Variants in WWOX observed in about 807,000 individuals in gnomAD.
The protein encoded by WWOX is WW domain-containing oxidoreductase.
Under a neutral mutation model 46.2 loss-of-function variants are expected in WWOX, and 69 were observed. The ratio of observed to expected loss-of-function variants is 1.49; its 90% confidence interval spans 1.23 to 1.82. The LOEUF is 1.82. Ranked by LOEUF, WWOX falls within the 40% of genes most tolerant of loss-of-function variation. The probability of loss-of-function intolerance (pLI) is 0.00; values close to 1 mark genes in which losing one functional copy is unlikely to be tolerated. For missense variants in WWOX, 919 were observed against 542.6 expected, an observed-to-expected ratio of 1.69 and a Z score of -6.89; for synonymous variants, 359 against 202.6, an observed-to-expected ratio of 1.77 and a Z score of -6.56.
At chr16:78,359,425 C>T (rs2081363981) in intron 5 of WWOX, among the ~76,000 whole-genome samples, 1 of 151,978 alleles carries the variant, frequency 6.6e-6, no homozygotes, top group Non-Finnish European at 1.5e-5. Flanking sequence ...TCATGAGAGC[C>T]CCCAAATTGC....
intron 8 of WWOX, among the ~76,000 whole-genome samples, chr16:78,691,579 G>A (rs2047989149): frequency 6.6e-6 from 1 of 152,040 alleles, no homozygotes; most frequent in African/African-American, 2.4e-5. Flanking sequence ...ATAGTGGTGT[G>A]CACCTGAAGT....
chr16:79,153,498 C>T (rs2050321543), intron 8 of WWOX, among the ~76,000 whole-genome samples: 1 of 152,020 alleles, frequency 6.6e-6, no homozygotes, highest in Admixed American at 6.6e-5. Context: ...ATGTCTAGAC[C>T]CCTGGAGAAC....
intron 8 of WWOX, among the ~76,000 whole-genome samples, chr16:78,911,984 G>A (rs1378512984): frequency 6.6e-6 from 1 of 152,068 alleles, no homozygotes; most frequent in Non-Finnish European, 1.5e-5. Context: ...AGACTGGTCT[G>A]TGAACCTTAC....
At chr16:78,969,036 C>T (rs931721350) in intron 8 of WWOX, among the ~76,000 whole-genome samples, 1 of 152,136 alleles carries the variant, frequency 6.6e-6, no homozygotes, top group Non-Finnish European at 1.5e-5. Flanking sequence ...GGCTCAGCTA[C>T]CAGGCTCCAG....
intron 8 of WWOX, among the ~76,000 whole-genome samples, chr16:78,556,850 C>G (rs1405063856): frequency 6.6e-6 from 1 of 152,040 alleles, no homozygotes; most frequent in African/African-American, 2.4e-5. Flanking sequence ...TCCCAAGTAA[C>G]TGGGATTACA....
At chr16:78,314,772 A>G (rs2080328077) in intron 5 of WWOX, among the ~76,000 whole-genome samples, 2 of 135,646 alleles carry the variant, frequency 1.5e-5, no homozygotes, top group Non-Finnish European at 3.0e-5. Context: ...GGTTGGTCTC[A>G]ATGTCCTGAC....
intron 5 of WWOX, among the ~76,000 whole-genome samples, chr16:78,185,137 C>A (rs1377296003): frequency 6.6e-6 from 1 of 152,102 alleles, no homozygotes; most frequent in Non-Finnish European, 1.5e-5. Context: ...AAGGAGTGGG[C>A]AGTAGTAGGG....
chr16:78,576,915 C>A (rs552389569), intron 8 of WWOX, among the ~76,000 whole-genome samples: 1 of 152,306 alleles, frequency 6.6e-6, no homozygotes, highest in East Asian at 1.9e-4. Flanking sequence ...CCCACACTAC[C>A]ATCTGCTCAC....
At chr16:78,122,159 T>C (rs2033127863) in intron 4 of WWOX, among the ~76,000 whole-genome samples, 1 of 152,202 alleles carries the variant, frequency 6.6e-6, no homozygotes, top group South Asian at 2.1e-4. Flanking sequence ...TATGTATGTA[T>C]AGGTGAAAGC....
intron 5 of WWOX, among the ~76,000 whole-genome samples, chr16:78,378,717 C>A (rs1047728198): frequency 6.6e-6 from 1 of 152,096 alleles, no homozygotes; most frequent in Non-Finnish European, 1.5e-5. Context: ...TGAGAGACAT[C>A]AGCATAATGC....
chr16:78,870,120 G>C (rs925514364), intron 8 of WWOX, among the ~76,000 whole-genome samples: 1 of 152,152 alleles, frequency 6.6e-6, no homozygotes, highest in Non-Finnish European at 1.5e-5. Context: ...TGCTCTGACA[G>C]GGCATGACTC....
chr16:78,879,218 A>G (rs16948711), intron 8 of WWOX, among the ~76,000 whole-genome samples: 3 of 152,022 alleles, frequency 2.0e-5, no homozygotes, highest in Admixed American at 2.0e-4. Flanking sequence ...AACATCTGGA[A>G]AAAGAGCTGG....
chr16:78,814,929 C>T (rs1429727870), intron 8 of WWOX, among the ~76,000 whole-genome samples: 1 of 152,130 alleles, frequency 6.6e-6, no homozygotes, highest in African/African-American at 2.4e-5. Flanking sequence ...GGAAGCTGAC[C>T]ATAGTTGGCT....
intron 8 of WWOX, among the ~76,000 whole-genome samples, chr16:78,940,751 A>G (rs1463694703): frequency 4.2e-5 from 6 of 141,518 alleles, no homozygotes; most frequent in African/African-American, 8.0e-5. Context: ...CCCTTTCAGT[A>G]TTCATGACGT....
chr16:78,948,634 G>A (rs544956602), intron 8 of WWOX, among the ~76,000 whole-genome samples: 2 of 151,968 alleles, frequency 1.3e-5, no homozygotes, highest in Admixed American at 6.6e-5. Context: ...AAACTTGGGG[G>A]TTCCCACTCG....
chr16:78,533,474 G>A (rs2043678821), intron 8 of WWOX, among the ~76,000 whole-genome samples: 1 of 152,014 alleles, frequency 6.6e-6, no homozygotes, highest in Admixed American at 6.6e-5. Flanking sequence ...AATTTGTGTT[G>A]GGCCAGATTC....
chr16:78,948,205 G>T (rs1325743143), intron 8 of WWOX, among the ~76,000 whole-genome samples: 2 of 152,164 alleles, frequency 1.3e-5, no homozygotes, highest in African/African-American at 2.4e-5. Flanking sequence ...ATGCAGACTT[G>T]CTCAAGACCT....
In WWOX at chr16:78,751,190, A is replaced by G. The variant is rs115037910; in HGVS notation, c.1056+318438A>G. Among the ~76,000 whole-genome samples the G allele has an allele frequency of 5.0e-3, 761 of 152,208 alleles. 4 individuals carry two copies. Among genetic ancestry groups the G allele is most frequent in the African/African-American group, 0.017 (688 of 41,540 alleles). ...GGGAATAGTACACTACATATAAAAG[A>G]CAGATGTATTTAATTTGTGTTTCGA... On this transcript the variant is annotated intron_variant, in intron 8 of 8. Transcript: ENST00000566780.
chr16:78,279,043 C>T (rs2079630939), intron 5 of WWOX, among the ~76,000 whole-genome samples: 2 of 152,096 alleles, frequency 1.3e-5, no homozygotes, highest in Admixed American at 6.6e-5. Flanking sequence ...GTGACAACTC[C>T]TCCTCCCATT....
Sources: allele counts gnomAD v4.1 joint callset (sites outside exome capture counted in the v4.1 genomes callset), GRCh38; gene constraint gnomAD v4.1.1; transcripts MANE v1.5; gene names NCBI Gene and HGNC (gene_info 2026-07-23, HGNC 2026-07-21).